PTPRQ: variants seen among roughly 807,000 people sequenced by gnomAD.
PTPRQ encodes the protein phosphatidylinositol phosphatase PTPRQ.
PTPRQ carries 199 observed loss-of-function variants against 246.0 expected under a neutral mutation model. That is an observed-to-expected ratio of 0.81 (90% CI 0.72 to 0.91). PTPRQ has a LOEUF of 0.91. Among genes scored for constraint, PTPRQ ranks in the 40% least tolerant of loss-of-function variants. The pLI, the probability that PTPRQ is intolerant of heterozygous loss-of-function variation, is 0.00. For synonymous variants in PTPRQ, 869 were observed against 853.2 expected (o/e 1.02, Z -0.32); for missense variants, 2,624 against 2,528.4 (o/e 1.04, Z -0.81).
At position 80,484,188 on chromosome 12, in the gene PTPRQ, G is replaced by A. The variant is rs111712174; in HGVS notation, c.1187-245G>A. On this transcript the variant is annotated intron_variant, in intron 8 of 44. Coordinates refer to ENST00000644991, the MANE Select transcript of PTPRQ (RefSeq NM_001145026.2). ...GCCTGGCTTATTTTTGTATTTTTTAGTAGAGATGGGGTTTCACCATGTTGG... is the reference window on the plus strand; with the variant it reads ...GCCTGGCTTATTTTTGTATTTTTTAATAGAGATGGGGTTTCACCATGTTGG... 0.015 allele frequency among the ~76,000 whole-genome samples: 2,313 copies of A among 151,934 alleles called. 52 individuals are homozygous for A. The highest frequency in any genetic ancestry group is 0.052 in the African/African-American group (2,156 of 41,460).
At chr12:80,653,488 ATACATTT>A (rs1201465852) in intron 38 of PTPRQ, among the ~76,000 whole-genome samples, 1 of 152,208 alleles carries the variant, frequency 6.6e-6, no homozygotes, top group African/African-American at 2.4e-5. Context: ...TTCTGATTCA[ATACATTT>A]TACACTATGA....
chr12:80,477,935 C>T (rs907429060), intron 8 of PTPRQ, among the ~76,000 whole-genome samples: 5 of 152,222 alleles, frequency 3.3e-5, no homozygotes, highest in Non-Finnish European at 5.9e-5. Flanking sequence ...AACTGCAAGG[C>T]GGCAGCGAAG....
In PTPRQ at chr12:80,603,322, G is replaced by A. The variant is rs1285450111; in HGVS notation, c.4610-1737G>A. On this transcript the variant is annotated intron_variant, in intron 26 of 44. Transcript: ENST00000644991. The stretch of plus-strand genomic sequence containing the variant: ...ACTTAACTTTTTCATAGTTACCTGA[G>A]TTGTCTTCCTAAATCAATGGAAAAA... 2.0e-5 allele frequency among the ~76,000 whole-genome samples: 3 copies of A among 151,710 alleles called. No individual in the cohort carries two copies. The East Asian group carries it at 5.8e-4, about 30-fold the overall frequency.
intron 37 of PTPRQ, among the ~76,000 whole-genome samples, chr12:80,651,884 T>C (rs1166666167): frequency 5.3e-5 from 8 of 151,832 alleles, no homozygotes; most frequent in Non-Finnish European, 1.2e-4. Flanking sequence ...CCTTAATACA[T>C]ACCCATATGT....
intron 14 of PTPRQ, among the ~76,000 whole-genome samples, chr12:80,502,068 G>A (rs1413867912): frequency 6.6e-6 from 1 of 151,956 alleles, no homozygotes; most frequent in Admixed American, 6.6e-5. Context: ...ATCCCAGACT[G>A]TATATTACAG....
rs1565836960 is a variant in PTPRQ at position 80,642,932 on chromosome 12, A to AAAAAAAAC, written c.5916-5958_5916-5957insCAAAAAAA. ...GAGACTCCGTCTTAAAAAAAAAAAA[A>AAAAAAAAC]AAAAAAAAAAAAAACAATTGAGTAT... On this transcript the variant is annotated intron_variant, in intron 35 of 44. Coordinates refer to ENST00000644991, the MANE Select transcript of PTPRQ (RefSeq NM_001145026.2). Among the ~76,000 whole-genome samples, 180 of 131,586 alleles carry AAAAAAAAC rather than the reference A, an allele frequency of 1.4e-3. 6 individuals carry two copies. The East Asian group carries it at 0.021, about 15-fold the overall frequency. The allele number at this position is 131,586 out of a possible 152,430, so 86.3% of individuals were successfully genotyped here.
chr12:80,624,150 T>G (rs1288453147), intron 33 of PTPRQ, among the ~76,000 whole-genome samples: 2 of 151,664 alleles, frequency 1.3e-5, no homozygotes, highest in Non-Finnish European at 2.9e-5. Context: ...ACAGAAGGAG[T>G]CTACAGTGAG....
At chr12:80,623,642 G>T (rs1253628884) in intron 33 of PTPRQ, among the ~76,000 whole-genome samples, 1 of 152,146 alleles carries the variant, frequency 6.6e-6, no homozygotes, top group Non-Finnish European at 1.5e-5. Flanking sequence ...AGACAAGATA[G>T]ATAACCCATG....
intron 6 of PTPRQ, chr12:80,462,136 C>G: frequency 2.2e-6 from 1 of 445,102 alleles, no homozygotes; most frequent in Non-Finnish European, 4.2e-6. Context: ...CAGATGGCAC[C>G]TGGAAAATCC....
At chr12:80,659,301 C>G (rs1177826461) in intron 39 of PTPRQ, among the ~76,000 whole-genome samples, 1 of 152,014 alleles carries the variant, frequency 6.6e-6, no homozygotes, top group Admixed American at 6.6e-5. Flanking sequence ...AAATCTTATG[C>G]TTACAATTTC....
chr12:80,530,609 T>G (rs944796591), intron 17 of PTPRQ, among the ~76,000 whole-genome samples: 1 of 152,188 alleles, frequency 6.6e-6, no homozygotes, highest in African/African-American at 2.4e-5. Flanking sequence ...TTGTGATTAT[T>G]TGTTTTAATG....
intron 6 of PTPRQ, among the ~76,000 whole-genome samples, chr12:80,463,441 C>G (rs1009878582): frequency 2.6e-5 from 4 of 152,184 alleles, no homozygotes; most frequent in Non-Finnish European, 5.9e-5. Context: ...GGAAAACACT[C>G]TGCAGGATGT....
At chr12:80,570,132 G>A (rs557397412) in intron 25 of PTPRQ, among the ~76,000 whole-genome samples, 1 of 151,896 alleles carries the variant, frequency 6.6e-6, no homozygotes, top group African/African-American at 2.4e-5. Flanking sequence ...GGTATTTCTA[G>A]TTCTAGATCC....
At chr12:80,661,416 A>G (rs1900627857) in intron 39 of PTPRQ, among the ~76,000 whole-genome samples, 1 of 150,632 alleles carries the variant, frequency 6.6e-6, no homozygotes, top group South Asian at 2.1e-4. Context: ...ATAGGACCCA[A>G]TATATATATT....
At chr12:80,662,194 G>T (rs934263483) in intron 39 of PTPRQ, among the ~76,000 whole-genome samples, 5 of 151,864 alleles carry the variant, frequency 3.3e-5, no homozygotes, top group South Asian at 2.1e-4. Flanking sequence ...AGAAGGATTG[G>T]TCTGACCTTC....
chr12:80,484,333 AT>A (rs1206329461), intron 8 of PTPRQ, 99 bp from the exon 9 acceptor site: 2 of 1,343,128 alleles, frequency 1.5e-6, no homozygotes, highest in Non-Finnish European at 2.0e-6. Context: ...AGAATTGTTT[AT>A]ATATCTTAAA....
chr12:80,559,067 C>T (rs531449912), intron 25 of PTPRQ, among the ~76,000 whole-genome samples: 207 of 152,186 alleles, frequency 1.4e-3, no homozygotes, highest in Non-Finnish European at 2.5e-3. Context: ...TTTTTTGAGA[C>T]GGAGTCTCGC....
intron 35 of PTPRQ, among the ~76,000 whole-genome samples, chr12:80,641,442 A>G (rs1899851614): frequency 6.6e-6 from 1 of 152,186 alleles, no homozygotes; most frequent in Admixed American, 6.5e-5. Context: ...AAAGCTCCTG[A>G]TAGTCTGGTT....
intron 43 of PTPRQ, 41 bp from the exon 44 acceptor site, chr12:80,678,561 C>A: frequency 6.6e-7 from 1 of 1,506,008 alleles, no homozygotes; most frequent in South Asian, 1.3e-5. Flanking sequence ...TGAAACTCTT[C>A]ATCAATATAT....
Sources: allele counts gnomAD v4.1 joint callset (sites outside exome capture counted in the v4.1 genomes callset), GRCh38; gene constraint gnomAD v4.1.1; transcripts MANE v1.5; gene names NCBI Gene and HGNC (gene_info 2026-07-23, HGNC 2026-07-21).